Variants in ODF2 observed in about 807,000 individuals in gnomAD.
ODF2 encodes the protein outer dense fiber protein 2.
In ODF2, 47 loss-of-function variants were observed where a neutral mutation model predicts 110.2. That is an observed-to-expected ratio of 0.43 (90% confidence interval 0.34 to 0.54). The LOEUF (loss-of-function observed/expected upper bound fraction) is 0.54, where lower values mean the gene tolerates loss of function less well. ODF2 is among the 20% of genes least tolerant of loss of function. The probability of loss-of-function intolerance (pLI) is 0.03; values close to 1 mark genes in which losing one functional copy is unlikely to be tolerated. For missense variants in ODF2, 812 were observed against 1,054.5 expected (o/e 0.77, Z 3.19); for synonymous variants, 352 against 397.7 (o/e 0.89, Z 1.37).
intron 3 of ODF2, 52 bp from the exon 4 acceptor site, chr9:128,460,890 C>T: frequency 6.2e-7 from 1 of 1,612,392 alleles, no homozygotes; most frequent in Non-Finnish European, 8.5e-7. Flanking sequence ...ACTAGCGTGG[C>T]ACCGTGGCCA....
exon 1 of ODF2, chr9:128,456,196 G>T (rs975437346): frequency 6.5e-7 from 1 of 1,548,464 alleles, no homozygotes; most frequent in Non-Finnish European, 8.7e-7. Flanking sequence ...GCACGACCCT[G>T]GCCTCCGACT....
chr9:128,492,378 C>T (rs750315235), intron 14 of ODF2, 48 bp from the exon 15 acceptor site: 3 of 1,320,606 alleles, frequency 2.3e-6, no homozygotes, highest in Non-Finnish European at 3.3e-6. Flanking sequence ...AGGAGGTCCA[C>T]CTGAAGCAGA....
In ODF2 at chr9:128,484,565, A is replaced by G. The variant is rs1047439072; in HGVS notation, c.1105-136A>G. The G allele has an allele frequency of 4.5e-6, 4 of 895,698 alleles. No homozygotes were observed. In the African/African-American group the frequency reaches 6.7e-5, roughly 15 times the overall value. The allele number at this position is 895,698 out of a possible 1,614,324, so 55.5% of individuals were successfully genotyped here. On this transcript the variant is annotated intron_variant, in intron 11 of 20. Coordinates refer to ENST00000604420, the Ensembl canonical transcript of ODF2. ...AGTTAGGGGAGCCTCTCACACAGCT[A>G]AGCACTTTTTTCTGTCTTCCTCGTT... is the stretch of plus-strand genomic sequence containing the variant.
At chr9:128,459,605 C>A in exon 3 of ODF2, 9 of 1,613,998 alleles carry the variant, frequency 5.6e-6, no homozygotes, top group Non-Finnish European at 7.6e-6. Flanking sequence ...ACGAGTCTCA[C>A]GCAGAAAAAG....
chr9:128,466,995 AAAAAAAAAAAAAAAAAAAAATATAT>A (rs1838143099), intron 4 of ODF2, among the ~76,000 whole-genome samples: 1 of 56,980 alleles, frequency 1.8e-5, no homozygotes, highest in Non-Finnish European at 3.0e-5. Context: ...AAAAAAAAAA[AAAAAAAAAAAAAAAAAAAAATATAT>A]ATATATATAT....
At chr9:128,463,440 G>A (rs868435085) in intron 4 of ODF2, among the ~76,000 whole-genome samples, 6 of 152,276 alleles carry the variant, frequency 3.9e-5, no homozygotes, top group Middle Eastern at 3.4e-3. Flanking sequence ...GCAACACGAC[G>A]AGACCCTGCC....
chr9:128,470,258 C>T (rs1002469398), intron 5 of ODF2, among the ~76,000 whole-genome samples: 4 of 151,042 alleles, frequency 2.6e-5, no homozygotes, highest in South Asian at 4.2e-4. Context: ...ACTGCTAACA[C>T]GACCTGTGTC....
chr9:128,471,167 G>A lies in ODF2; in HGVS notation c.421-141G>A, dbSNP rs1839915549. 8 of 742,106 alleles carry A rather than the reference G, an allele frequency of 1.1e-5. No individual in the cohort carries two copies. In the South Asian group the frequency reaches 1.7e-4, roughly 15 times the overall value. 46.0% of individuals were successfully genotyped at this position (742,106 alleles called of 1,614,324 possible). On this transcript the variant is annotated intron_variant, in intron 5 of 20. Transcript: ENST00000604420. Reference sequence around the variant, plus strand: ...GACCAAAAGTGACCTACCCACCTTGGCCTCCCAAAGTGCTGGGATTACAGG... The same window carrying A: ...GACCAAAAGTGACCTACCCACCTTGACCTCCCAAAGTGCTGGGATTACAGG...
exon 4 of ODF2, chr9:128,460,966 G>C (rs1291268773): frequency 6.2e-7 from 1 of 1,614,216 alleles, no homozygotes; most frequent in Non-Finnish European, 8.5e-7. Context: ...AGGAATGAAA[G>C]GGGACACTGT....
intron 7 of ODF2, 56 bp downstream of exon 7, chr9:128,473,098 T>G: frequency 6.2e-7 from 1 of 1,610,098 alleles, no homozygotes; most frequent in Non-Finnish European, 8.5e-7. Context: ...AGGGGGCAGC[T>G]GCAGGCTGGG....
chr9:128,499,127 G>A lies in ODF2; in HGVS notation c.2301+1G>A, dbSNP rs1161084789. 4 of 1,614,016 alleles carry A rather than the reference G, an allele frequency of 2.5e-6. No homozygotes were observed. The highest frequency in any genetic ancestry group is 1.3e-5 in the African/African-American group (1 of 74,948). On this transcript the variant is annotated splice_donor_variant, in intron 20 of 20. Transcript: ENST00000604420. LOFTEE classifies it high-confidence loss of function. Reference sequence around the variant, plus strand: ...CCAGCTGCGGCGGAGCCGTGATGATGTGAGTCAGGCTGGTGGGCCGGGCTA... The same window carrying A: ...CCAGCTGCGGCGGAGCCGTGATGATATGAGTCAGGCTGGTGGGCCGGGCTA...
At chr9:128,480,529 A>G (rs1269604178) in intron 8 of ODF2, among the ~76,000 whole-genome samples, 1 of 152,248 alleles carries the variant, frequency 6.6e-6, no homozygotes, top group East Asian at 1.9e-4. Context: ...TTAAAAATCA[A>G]GTAACAGCTG....
intron 4 of ODF2, among the ~76,000 whole-genome samples, chr9:128,464,452 C>G (rs1002874966): frequency 5.3e-5 from 8 of 151,964 alleles, no homozygotes; most frequent in Non-Finnish European, 1.0e-4. Flanking sequence ...CTGTGCCCAG[C>G]CCAAAAATGC....
chr9:128,486,988 T>C (rs1430811869), intron 13 of ODF2, among the ~76,000 whole-genome samples: 3 of 151,994 alleles, frequency 2.0e-5, no homozygotes, highest in Non-Finnish European at 4.4e-5. Context: ...TCATAGGGAG[T>C]TGGGAAGGGA....
chr9:128,460,238 G>A, intron 3 of ODF2: 1 of 1,329,838 alleles, frequency 7.5e-7, no homozygotes, highest in Admixed American at 2.2e-5. Flanking sequence ...ATTCCAGCAG[G>A]TTTAGAGGAG....
chr9:128,487,832 C>CACAA, intron 13 of ODF2, 58 bp from the exon 14 acceptor site: 2 of 1,554,556 alleles, frequency 1.3e-6, no homozygotes, highest in Non-Finnish European at 1.8e-6. Flanking sequence ...CACACACACA[C>CACAA]ACAAACAAAC....
chr9:128,469,983 CAAAAAAAAAAAAAAAAA>C (rs1187840225), intron 5 of ODF2, among the ~76,000 whole-genome samples: 1 of 6,364 alleles, frequency 1.6e-4, no homozygotes, highest in African/African-American at 4.6e-4. Context: ...GTCTCTGTCT[CAAAAAAAAAAAAAAAAA>C]AAAAAAAAAA....
At chr9:128,459,519 AT>A (rs1835849731) in intron 2 of ODF2, 47 bp from the exon 2 acceptor site, 1 of 1,422,228 alleles carries the variant, frequency 7.0e-7, no homozygotes, top group African/African-American at 1.4e-5. Flanking sequence ...GAAATATAAG[AT>A]TGCCCTAGTT....
rs1005779916 is a variant in ODF2 at position 128,467,323 on chromosome 9, C to T, written c.250-1860C>T. The stretch of plus-strand genomic sequence containing the variant: ...ATATAGAAAAGGTACGGTAAAAATA[C>T]GGTGTTTTGGGACCACTGTCATATA... On this transcript the variant is annotated intron_variant, in intron 4 of 20. Coordinates refer to ENST00000604420, the Ensembl canonical transcript of ODF2. Among the ~76,000 whole-genome samples the T allele has an allele frequency of 2.6e-5, 4 of 151,802 alleles. No homozygotes were observed. In the East Asian group the frequency reaches 7.8e-4, roughly 29 times the overall value.
Sources: allele counts gnomAD v4.1 joint callset (sites outside exome capture counted in the v4.1 genomes callset), GRCh38; gene constraint gnomAD v4.1.1; transcripts MANE v1.5; gene names NCBI Gene and HGNC (gene_info 2026-07-23, HGNC 2026-07-21).